The following GNG7 variants were observed in gnomAD, a reference collection of about 807,000 sequenced individuals.
GNG7 encodes the protein G protein subunit gamma 7, also known as guanine nucleotide-binding protein G(I)/G(S)/G(O) subunit gamma-7.
GNG7 carries 1 observed loss-of-function variant against 4.0 expected under a neutral mutation model. The ratio of observed to expected loss-of-function variants is 0.25; its 90% confidence interval spans 0.09 to 1.18. GNG7 has a LOEUF of 1.18. Ranked by LOEUF, GNG7 falls within the 50% of genes most tolerant of loss-of-function variation. The probability of loss-of-function intolerance (pLI) is 0.50; values close to 1 mark genes in which losing one functional copy is unlikely to be tolerated. For synonymous variants in GNG7, 34 were observed against 36.9 expected (o/e 0.92, Z 0.29); for missense variants, 86 against 91.9 (o/e 0.94, Z 0.26).
intron 2 of GNG7, among the ~76,000 whole-genome samples, chr19:2,637,181 A>C (rs1191944764): frequency 1.3e-5 from 2 of 150,600 alleles, no homozygotes; most frequent in African/African-American, 4.9e-5. Flanking sequence ...AGCCCTCTGC[A>C]AATCGAGCTT....
intron 1 of GNG7, among the ~76,000 whole-genome samples, chr19:2,696,934 C>A (rs1913281636): frequency 6.6e-6 from 1 of 152,162 alleles, no homozygotes; most frequent in Non-Finnish European, 1.5e-5. Context: ...CTCACCGCAA[C>A]CTCCGCCTCC....
At chr19:2,668,027 C>A (rs1983353741) in intron 1 of GNG7, among the ~76,000 whole-genome samples, 1 of 152,056 alleles carries the variant, frequency 6.6e-6, no homozygotes, top group African/African-American at 2.4e-5. Flanking sequence ...TTAGAGGAAA[C>A]TGAGGAAATC....
chr19:2,652,286 A>G (rs1464416725), intron 1 of GNG7, among the ~76,000 whole-genome samples: 3 of 152,134 alleles, frequency 2.0e-5, no homozygotes, highest in African/African-American at 7.2e-5. Flanking sequence ...ACACTGCGTA[A>G]TCCCACGTAT....
rs976660937 is a variant in GNG7, at chr19:2,696,597, G to A, written c.-135+6049C>T. Among the ~76,000 whole-genome samples, 21 of 152,312 alleles carry A rather than the reference G, an allele frequency of 1.4e-4. 1 individual carries two copies. The South Asian group carries it at 2.1e-3, about 15-fold the overall frequency. On this transcript the variant is annotated intron_variant, in intron 1 of 4. Transcript: ENST00000382159. ...CTGAATGGATGGATGAGCACAGCCCGGCCTGTCCACGCACCGGAACACGAC... is the reference window on the plus strand; with the variant it reads ...CTGAATGGATGGATGAGCACAGCCCAGCCTGTCCACGCACCGGAACACGAC...
rs919751219 is a variant in GNG7 at position 2,513,091 on chromosome 19, G to A, written c.*1931C>T. Reference sequence around the variant, plus strand: ...GGGAGCCCGGCTGTGGCCTGTGGGAGCTGCCCGAGGTTGAGGAGTGGAGGT... The same window carrying A: ...GGGAGCCCGGCTGTGGCCTGTGGGAACTGCCCGAGGTTGAGGAGTGGAGGT... On this transcript the variant is annotated 3_prime_UTR_variant, in exon 5 of 5. Transcript: ENST00000382159. 1 of 985,598 alleles carries A rather than the reference G, an allele frequency of 1.0e-6. No individual in the cohort carries two copies. Among genetic ancestry groups the A allele is most frequent in the South Asian group, 4.7e-5 (1 of 21,290 alleles). The allele number at this position is 985,598 out of a possible 1,614,324, so 61.1% of individuals were successfully genotyped here. A position where few individuals can be genotyped will look rare whatever the true frequency, so the allele number is the denominator to read the frequency against.
intron 1 of GNG7, among the ~76,000 whole-genome samples, chr19:2,695,096 G>A (rs1913214374): frequency 6.6e-6 from 1 of 152,062 alleles, no homozygotes; most frequent in African/African-American, 2.4e-5. Flanking sequence ...AGGATTGCTT[G>A]AGCCCGGAGT....
intron 2 of GNG7, among the ~76,000 whole-genome samples, chr19:2,576,541 GTATT>G (rs111791355): frequency 1.7e-4 from 26 of 151,950 alleles, no homozygotes; most frequent in South Asian, 2.1e-4. Context: ...ATTTTATTAT[GTATT>G]TATTTATTTA....
rs1421256396 is a variant in GNG7 at position 2,598,525 on chromosome 19, C to T, written c.-77-43337G>A. Reference sequence around the variant, plus strand: ...ACAAAAAATTAGCTGGGTGTGGTGGCGGGCGCCTGTAGTCCCAGCTACTCG... The same window carrying T: ...ACAAAAAATTAGCTGGGTGTGGTGGTGGGCGCCTGTAGTCCCAGCTACTCG... On this transcript the variant is annotated intron_variant, in intron 2 of 4. Coordinates refer to ENST00000382159, the MANE Select transcript of GNG7 (RefSeq NM_052847.3). Among the ~76,000 whole-genome samples the T allele has an allele frequency of 3.7e-3, 554 of 151,274 alleles. 3 individuals are homozygous for T. The highest frequency in any genetic ancestry group is 6.6e-3 in the Non-Finnish European group (446 of 67,608).
At chr19:2,642,970 C>T (rs1461981607) in intron 2 of GNG7, 1 of 451,756 alleles carries the variant, frequency 2.2e-6, no homozygotes. Flanking sequence ...GCCGTCGGCA[C>T]CCGAAATGCA....
chr19:2,697,172 A>G (rs1913286930), intron 1 of GNG7, among the ~76,000 whole-genome samples: 1 of 152,252 alleles, frequency 6.6e-6, no homozygotes, highest in Non-Finnish European at 1.5e-5. Flanking sequence ...AAACTTATTT[A>G]AAAGATGGAA....
intron 1 of GNG7, among the ~76,000 whole-genome samples, chr19:2,668,970 C>T (rs2082003833): frequency 6.6e-6 from 1 of 152,108 alleles, no homozygotes; most frequent in African/African-American, 2.4e-5. Flanking sequence ...GCTGAGAAAC[C>T]ACGGTCCCAC....
chr19:2,522,203 C>A (rs555405812), intron 3 of GNG7, among the ~76,000 whole-genome samples: 2 of 152,086 alleles, frequency 1.3e-5, no homozygotes, highest in African/African-American at 4.8e-5. Flanking sequence ...CTCCAGGGAA[C>A]GATCCAGCCC....
intron 3 of GNG7, among the ~76,000 whole-genome samples, chr19:2,536,874 G>A (rs1978753681): frequency 1.3e-5 from 2 of 152,008 alleles, no homozygotes; most frequent in Admixed American, 1.3e-4. Flanking sequence ...TTCCTGGTCG[G>A]ACTCCATTTG....
chr19:2,592,028 T>C (rs1040098883), intron 2 of GNG7, among the ~76,000 whole-genome samples: 2 of 152,210 alleles, frequency 1.3e-5, no homozygotes, highest in African/African-American at 4.8e-5. Flanking sequence ...TATTCGTCAA[T>C]GATTAACAGA....
chr19:2,521,805 C>T (rs1484989769), intron 3 of GNG7, among the ~76,000 whole-genome samples: 2 of 151,734 alleles, frequency 1.3e-5, no homozygotes, highest in Admixed American at 6.6e-5. Flanking sequence ...GTACAGACAG[C>T]GTTTCACCAT....
chr19:2,649,321 G>C (rs1982747947), intron 1 of GNG7, among the ~76,000 whole-genome samples: 1 of 151,762 alleles, frequency 6.6e-6, no homozygotes, highest in Non-Finnish European at 1.5e-5. Flanking sequence ...TACACAACTA[G>C]GGCACATCTT....
intron 1 of GNG7, among the ~76,000 whole-genome samples, chr19:2,688,306 C>A (rs962474688): frequency 6.6e-6 from 1 of 152,104 alleles, no homozygotes; most frequent in African/African-American, 2.4e-5. Flanking sequence ...GTTTGCCGTA[C>A]GAAGGATGGA....
chr19:2,657,399 T>TATATATATATACAC (rs1332253018), intron 1 of GNG7, among the ~76,000 whole-genome samples: 130 of 80,590 alleles, frequency 1.6e-3, no homozygotes, highest in Non-Finnish European at 2.3e-3. Flanking sequence ...TATATATATA[T>TATATATATATACAC]ACACATAATA....
At chr19:2,602,905 C>CTTTCT (rs1555697057) in intron 2 of GNG7, among the ~76,000 whole-genome samples, 145 of 150,434 alleles carry the variant, frequency 9.6e-4, no homozygotes, top group East Asian at 3.7e-3. Context: ...CTTTTTCTTT[C>CTTTCT]TTTCTTTCTT....
Sources: gnomAD v4.1 joint callset for allele counts (sites outside exome capture counted in the v4.1 genomes callset) on GRCh38, gnomAD v4.1.1 for gene constraint, MANE v1.5 for transcripts, NCBI Gene and HGNC (gene_info 2026-07-23, HGNC 2026-07-21) for gene names.